ARFGEF1: variants seen among roughly 807,000 people sequenced by gnomAD.
ARFGEF1 encodes ARF guanine nucleotide exchange factor 1, also known as brefeldin A-inhibited guanine nucleotide-exchange protein 1.
ARFGEF1 carries 42 observed loss-of-function variants against 231.0 expected under a neutral mutation model. The ratio of observed to expected loss-of-function variants is 0.18; its 90% CI spans 0.14 to 0.24. ARFGEF1 has a LOEUF of 0.24. Among genes scored for constraint, ARFGEF1 ranks in the 10% least tolerant of loss-of-function variants. The pLI is 1.00. For synonymous variants in ARFGEF1, 710 were observed against 732.3 expected, an observed-to-expected ratio of 0.97 and a Z score of 0.49; for missense variants, 1,345 against 2,192.0, an observed-to-expected ratio of 0.61 and a Z score of 7.72.
intron 13 of ARFGEF1, 36 bp from the exon 14 acceptor site, chr8:67,266,243 AT>A: frequency 6.4e-7 from 1 of 1,550,742 alleles, no homozygotes; most frequent in Admixed American, 1.9e-5. Context: ...ACATTATTCT[AT>A]CAAAGAAAAA....
chr8:67,341,601 AAC>A (rs1808632136), intron 1 of ARFGEF1, among the ~76,000 whole-genome samples: 1 of 152,106 alleles, frequency 6.6e-6, no homozygotes, highest in African/African-American at 2.4e-5. Context: ...TGTCTCAAAA[AAC>A]AAACAAAAAT....
At position 67,271,906 on chromosome 8, in the gene ARFGEF1, T is replaced by C; in HGVS notation, c.1368A>G (p.Ser456=). Reference sequence around the variant, plus strand: ...GCAGAATGGATAGAAGTAACTGCAATGAAAGAATCTTGGATCGTAGTTCAT... The same window carrying C: ...GCAGAATGGATAGAAGTAACTGCAACGAAAGAATCTTGGATCGTAGTTCAT... ...KSHELRSKIL[S]LQLLLSILQN... Residue 456 remains serine (S), a synonymous_variant, in exon 10 of 39, where the codon TCA becomes TCG. Transcript: ENST00000262215. 8 of 1,611,266 alleles carry C rather than the reference T, an allele frequency of 5.0e-6. No homozygotes were observed. Among genetic ancestry groups the C allele is most frequent in the Non-Finnish European group, 5.1e-6 (6 of 1,179,112 alleles).
chr8:67,194,081 T>C (rs534048933), downstream of ARFGEF1, among the ~76,000 whole-genome samples: 4 of 152,258 alleles, frequency 2.6e-5, no homozygotes, highest in East Asian at 7.7e-4. Context: ...TCATTATGAG[T>C]GCATTTTTGT....
intron 1 of ARFGEF1, among the ~76,000 whole-genome samples, chr8:67,314,306 T>C (rs1807206945): frequency 6.6e-6 from 1 of 152,194 alleles, no homozygotes; most frequent in African/African-American, 2.4e-5. Flanking sequence ...TCATTCAAAT[T>C]GCTACAAAAT....
intron 5 of ARFGEF1, among the ~76,000 whole-genome samples, chr8:67,192,536 T>C (rs1235607759): frequency 6.6e-6 from 1 of 152,258 alleles, no homozygotes; most frequent in Non-Finnish European, 1.5e-5. Context: ...CAGAAGTTTT[T>C]AATTTTGATG....
intron 2 of ARFGEF1, among the ~76,000 whole-genome samples, 188 bp from the exon 3 acceptor site, chr8:67,301,568 G>T (rs1281511925): frequency 2.6e-5 from 4 of 152,194 alleles, no homozygotes; most frequent in African/African-American, 9.7e-5. Context: ...AAAAGCTAGT[G>T]GCCAGAGCTG....
downstream of ARFGEF1, among the ~76,000 whole-genome samples, chr8:67,193,897 T>C (rs185125040): frequency 1.3e-5 from 2 of 152,370 alleles, no homozygotes; most frequent in East Asian, 3.9e-4. Context: ...TGCTATATGA[T>C]AATAGTAATC....
At chr8:67,195,805 GCA>G (rs1397398563), downstream of ARFGEF1, 9 of 514,552 alleles carry the variant, frequency 1.7e-5, no homozygotes, top group African/African-American at 3.8e-5. Flanking sequence ...GATTATTTTT[GCA>G]CAGTTTTGTC....
chr8:67,270,490 A>G (rs942299414), intron 10 of ARFGEF1, among the ~76,000 whole-genome samples: 2 of 152,146 alleles, frequency 1.3e-5, no homozygotes, highest in Non-Finnish European at 2.9e-5. Context: ...GATTAAATAT[A>G]AAATTAACAA....
chr8:67,218,976 C>CT (rs1399972528), intron 30 of ARFGEF1, among the ~76,000 whole-genome samples: 24 of 151,242 alleles, frequency 1.6e-4, no homozygotes, highest in African/African-American at 7.3e-5. Context: ...ACACAGTGTT[C>CT]TTTTTTTTTG....
chr8:67,229,842 G>GA (rs1839498371), intron 23 of ARFGEF1, among the ~76,000 whole-genome samples: 1 of 151,738 alleles, frequency 6.6e-6, no homozygotes, highest in Non-Finnish European at 1.5e-5. Flanking sequence ...CAAAAACAAA[G>GA]AAAAAAAGAG....
Position 67,258,120 on chromosome 8 carries a change from T to C in ARFGEF1, c.2406A>G (p.Glu802=). ...ATTCTAGGTATCTTGCAGCAAATTTTTCCATTAATCGATCGATTTTCTGAG... is the reference window on the plus strand; with the variant it reads ...ATTCTAGGTATCTTGCAGCAAATTTCTCCATTAATCGATCGATTTTCTGAG... ...GEAQKIDRLM[E]KFAARYLECN... The change falls in exon 16 of 39, where the codon GAA becomes GAG. Residue 802 remains glutamate (E), a synonymous_variant. Transcript: ENST00000262215. 6.2e-7 allele frequency: 1 copy of C among 1,614,020 alleles called. No homozygotes were observed.
chr8:67,276,757 T>C (rs548911685), intron 8 of ARFGEF1, among the ~76,000 whole-genome samples: 2 of 152,318 alleles, frequency 1.3e-5, no homozygotes, highest in East Asian at 3.9e-4. Context: ...CCTGAAATGC[T>C]TGGGACCAGA....
At position 67,327,927 on chromosome 8, in the gene ARFGEF1, TTTTA is replaced by T. The variant is rs537425983; in HGVS notation, c.124+15233_124+15236del. Among the ~76,000 whole-genome samples the T allele has an allele frequency of 8.0e-3, 1,223 of 152,354 alleles. 12 individuals carry two copies. Among genetic ancestry groups the T allele is most frequent in the African/African-American group, 0.028 (1,168 of 41,590 alleles). On this transcript the variant is annotated intron_variant, in intron 1 of 38. Transcript: ENST00000262215. Reference sequence around the variant, plus strand: ...TTGTTGACTACTTGAGTTATTTTCATTTTATTAATTATAAACAGCAAAATGATGA... The same window carrying T: ...TTGTTGACTACTTGAGTTATTTTCATTTAATTATAAACAGCAAAATGATGA...
rs549730928 is a variant in ARFGEF1 at position 67,217,527 on chromosome 8, G to A, written c.4613+255C>T. Among the ~76,000 whole-genome samples, 3 of 152,106 alleles carry A rather than the reference G, an allele frequency of 2.0e-5. No homozygotes were observed. In the South Asian group the frequency reaches 6.2e-4, roughly 32 times the overall value. ...AAATAAAATCTTATAAAAGTCAGCA[G>A]AATCACTTCATTATGTCCCAAATTT... On this transcript the variant is annotated intron_variant, in intron 32 of 38. Transcript: ENST00000262215.
intron 23 of ARFGEF1, among the ~76,000 whole-genome samples, chr8:67,232,338 T>C (rs944955118): frequency 1.3e-5 from 2 of 152,018 alleles, no homozygotes; most frequent in African/African-American, 4.8e-5. Context: ...TATTCTGTAG[T>C]AAATAAAGCA....
At position 67,188,928 on chromosome 8, in the gene ARFGEF1, C is replaced by G. The variant is rs569597162; in HGVS notation, c.560+11468G>C. Among the ~76,000 whole-genome samples the G allele has an allele frequency of 2.0e-5, 3 of 152,284 alleles. No individual in the cohort carries two copies. The East Asian group carries it at 5.8e-4, about 29-fold the overall frequency. ...CACCGCATGGCCCAAGATTCCATTC[C>G]TTGGAATCTGTGAGGCCAAGAACCC... On this transcript the variant is annotated intron_variant, in intron 5 of 5. Coordinates refer to the ARFGEF1 transcript ENST00000518789.
Position 67,198,998 on chromosome 8 carries a change from C to T in ARFGEF1, c.5486G>A (p.Arg1829Gln). 6.2e-7 allele frequency: 1 copy of T among 1,612,388 alleles called. No individual in the cohort carries two copies. The highest frequency in any genetic ancestry group is 8.5e-7 in the Non-Finnish European group (1 of 1,179,556). ...TGATATCTGAAAAACTACTCCGATT[C>T]GCAGAAAAAATCTTCTAAGAACAGC... Reference protein sequence around the residue: ...LRAVLRRFFLRIGVVFQISQP... With the variant: ...LRAVLRRFFLQIGVVFQISQP... The change falls in exon 39 of 39, where the codon CGA (arginine) becomes CAA (glutamine). Residue 1829 changes from arginine to glutamine, a missense_variant. This residue lies in a region of ARFGEF1 where 161 missense variants were observed against 284.9 expected (regional missense o/e 0.57). Coordinates refer to ENST00000262215, the MANE Select transcript of ARFGEF1 (RefSeq NM_006421.5).
intron 22 of ARFGEF1, among the ~76,000 whole-genome samples, chr8:67,236,590 C>A (rs1016281805): frequency 6.6e-6 from 1 of 151,764 alleles, no homozygotes. Context: ...GACGGCCCAA[C>A]GGGAGGGCTC....
Sources: gnomAD v4.1 joint callset for allele counts (sites outside exome capture counted in the v4.1 genomes callset) on GRCh38, gnomAD v4.1.1 for gene constraint, gnomAD v4.1.1 regional missense constraint, MANE v1.5 for transcripts, NCBI Gene and HGNC (gene_info 2026-07-23, HGNC 2026-07-21) for gene names.